Variants in CPNE4 observed in about 807,000 individuals in gnomAD.
CPNE4 encodes copine-4.
In CPNE4, 25 loss-of-function variants were observed where a neutral mutation model predicts 67.9. That is an observed-to-expected ratio of 0.37 (90% confidence interval 0.27 to 0.51). The LOEUF (loss-of-function observed/expected upper bound fraction) is 0.51, where lower values mean the gene tolerates loss of function less well. CPNE4 is among the 20% of genes least tolerant of loss of function. The pLI is 0.93. For missense variants in CPNE4, 464 were observed against 690.8 expected (o/e 0.67, Z 3.68); for synonymous variants, 242 against 244.9 (o/e 0.99, Z 0.11).
intron 7 of CPNE4, among the ~76,000 whole-genome samples, chr3:131,625,189 C>T (rs2079044043): frequency 6.6e-6 from 1 of 152,174 alleles, no homozygotes; most frequent in African/African-American, 2.4e-5. Flanking sequence ...TAACCACACT[C>T]CTCCCCTCAA....
intron 1 of CPNE4, among the ~76,000 whole-genome samples, chr3:131,917,620 G>C (rs1244333120): frequency 6.6e-6 from 1 of 152,042 alleles, no homozygotes; most frequent in Non-Finnish European, 1.5e-5. Flanking sequence ...TGAATACCAG[G>C]TGGGGTTGCT....
chr3:131,817,446 G>A (rs965770205), intron 2 of CPNE4, among the ~76,000 whole-genome samples: 4 of 152,208 alleles, frequency 2.6e-5, no homozygotes, highest in Admixed American at 6.5e-5. Flanking sequence ...TGCAGTAAAT[G>A]AGGGGTGAAT....
intron 2 of CPNE4, among the ~76,000 whole-genome samples, chr3:131,784,753 A>G (rs2083513898): frequency 2.6e-5 from 4 of 151,908 alleles, no homozygotes; most frequent in Admixed American, 2.6e-4. Context: ...TTCTGACATC[A>G]CCCCTCAAAT....
intron 1 of CPNE4, among the ~76,000 whole-genome samples, chr3:131,910,919 C>A (rs964244240): frequency 6.6e-6 from 1 of 152,082 alleles, no homozygotes; most frequent in African/African-American, 2.4e-5. Context: ...AGAGATGATT[C>A]TGTTTTCTGT....
chr3:131,823,934 C>T (rs1405066635), intron 2 of CPNE4, among the ~76,000 whole-genome samples: 3 of 152,156 alleles, frequency 2.0e-5, no homozygotes, highest in African/African-American at 2.4e-5. Flanking sequence ...GCTCCTTTAA[C>T]ACCCAGCAAG....
intron 1 of CPNE4, among the ~76,000 whole-genome samples, chr3:131,929,799 T>C (rs2071001518): frequency 6.6e-6 from 1 of 152,142 alleles, no homozygotes; most frequent in Non-Finnish European, 1.5e-5. Context: ...TTAAAGGAGC[T>C]CTCCTGGAGA....
chr3:131,981,141 T>A (rs1375053455), intron 1 of CPNE4, among the ~76,000 whole-genome samples: 4 of 152,130 alleles, frequency 2.6e-5, no homozygotes, highest in African/African-American at 9.7e-5. Flanking sequence ...CTTTGGTGGT[T>A]CAATGCTTTA....
At chr3:131,922,897 G>A (rs186190237) in intron 1 of CPNE4, among the ~76,000 whole-genome samples, 73 of 152,244 alleles carry the variant, frequency 4.8e-4, no homozygotes, top group Non-Finnish European at 1.0e-3. Flanking sequence ...AAATGCCCAA[G>A]TGCCCACACT....
At chr3:131,683,872 T>G (rs2080819523) in intron 6 of CPNE4, among the ~76,000 whole-genome samples, 1 of 152,150 alleles carries the variant, frequency 6.6e-6, no homozygotes, top group Non-Finnish European at 1.5e-5. Flanking sequence ...AGGACTGGTT[T>G]AAATTCTTCC....
In CPNE4 at chr3:131,655,664, G is replaced by T. The variant is rs529442803; in HGVS notation, c.681+14011C>A. 2.6e-5 allele frequency among the ~76,000 whole-genome samples: 4 copies of T among 152,222 alleles called. No homozygotes were observed. The East Asian group carries it at 7.7e-4, about 29-fold the overall frequency. On this transcript the variant is annotated intron_variant, in intron 7 of 15. Coordinates refer to ENST00000429747, the MANE Select transcript of CPNE4 (RefSeq NM_130808.3). The stretch of plus-strand genomic sequence containing the variant: ...GAAACCGACGTCGGGGGGCAGGGGG[G>T]TGGAGACAAGTAGGTTGTAGAAAAA...
chr3:131,628,853 C>T (rs1362496563), intron 7 of CPNE4, among the ~76,000 whole-genome samples: 1 of 148,578 alleles, frequency 6.7e-6, no homozygotes, highest in Admixed American at 6.6e-5. Flanking sequence ...AAAACCAGCT[C>T]CTGGATTCAT....
chr3:131,940,032 G>C lies in CPNE4; in HGVS notation c.-1-34588C>G, dbSNP rs115923798. ...TGTTTGTCCCCAAAATGTGTGTTTT[G>C]TGTTACCTGTTTGTGTGCATTTTTG... On this transcript the variant is annotated intron_variant, in intron 1 of 15. Transcript: ENST00000429747. 4.1e-3 allele frequency among the ~76,000 whole-genome samples: 631 copies of C among 152,186 alleles called. 5 individuals carry two copies. The highest frequency in any genetic ancestry group is 0.015 in the African/African-American group (613 of 41,528).
chr3:131,561,925 T>C (rs1936791895), intron 11 of CPNE4, among the ~76,000 whole-genome samples: 2 of 152,062 alleles, frequency 1.3e-5, no homozygotes, highest in African/African-American at 2.4e-5. Flanking sequence ...AAAAGGAGCA[T>C]TGGAGTTTTT....
At chr3:131,582,178 G>C (rs1193027824) in intron 8 of CPNE4, among the ~76,000 whole-genome samples, 1 of 152,166 alleles carries the variant, frequency 6.6e-6, no homozygotes, top group Admixed American at 6.5e-5. Flanking sequence ...GCTGGCTAGA[G>C]AAATTTACTA....
intron 2 of CPNE4, among the ~76,000 whole-genome samples, chr3:131,901,922 G>A (rs918027824): frequency 1.4e-4 from 21 of 152,048 alleles, no homozygotes; most frequent in African/African-American, 5.1e-4. Flanking sequence ...TATATAAGCT[G>A]ACTCCAACAC....
intron 2 of CPNE4, among the ~76,000 whole-genome samples, chr3:131,862,865 C>A (rs1254512915): frequency 6.6e-6 from 1 of 151,814 alleles, no homozygotes. Context: ...CCCATCCCCC[C>A]ACCCCACAAC....
At chr3:131,884,268 G>A (rs1387484238) in intron 2 of CPNE4, among the ~76,000 whole-genome samples, 1 of 152,138 alleles carries the variant, frequency 6.6e-6, no homozygotes. Flanking sequence ...GGTAAATCAC[G>A]GTTCATCTAC....
At chr3:132,030,264 ATT>A (rs1484758073) in intron 1 of CPNE4, among the ~76,000 whole-genome samples, 2 of 152,202 alleles carry the variant, frequency 1.3e-5, no homozygotes, top group Non-Finnish European at 2.9e-5. Flanking sequence ...GAGTCTCCTG[ATT>A]TTGAGAAGTC....
chr3:131,855,306 A>C (rs1179319716), intron 2 of CPNE4, among the ~76,000 whole-genome samples: 1 of 151,946 alleles, frequency 6.6e-6, no homozygotes, highest in Non-Finnish European at 1.5e-5. Flanking sequence ...TTCTGGCACT[A>C]ATCTCTTATC....
Sources: allele counts gnomAD v4.1 joint callset (sites outside exome capture counted in the v4.1 genomes callset), GRCh38; gene constraint gnomAD v4.1.1; transcripts MANE v1.5; gene names NCBI Gene and HGNC (gene_info 2026-07-23, HGNC 2026-07-21).